The following MATN2 variants were observed in gnomAD, a reference collection of about 807,000 sequenced individuals.
MATN2 encodes the protein matrilin 2, also known as matrilin-2.
MATN2 carries 69 observed loss-of-function variants against 103.2 expected under a neutral mutation model. That is an observed-to-expected ratio of 0.67 (90% CI 0.55 to 0.82). The LOEUF (loss-of-function observed/expected upper bound fraction) is 0.82, where lower values mean the gene tolerates loss of function less well. Among genes scored for constraint, MATN2 ranks in the 40% least tolerant of loss-of-function variants. The pLI, the probability that MATN2 is intolerant of heterozygous loss-of-function variation, is 0.00. For missense variants in MATN2, 1,023 were observed against 1,211.5 expected, an observed-to-expected ratio of 0.84 and a Z score of 2.31; for synonymous variants, 429 against 450.2, an observed-to-expected ratio of 0.95 and a Z score of 0.60.
chr8:97,902,261 C>T (rs551855534), intron 2 of MATN2, among the ~76,000 whole-genome samples: 3 of 151,124 alleles, frequency 2.0e-5, no homozygotes, highest in Admixed American at 6.6e-5. Flanking sequence ...TTTGGGAGGC[C>T]GTGGTGGGCA....
Position 97,896,510 on chromosome 8 carries a change from G to A in MATN2, c.142+8268G>A, listed in dbSNP as rs546092634. 3.3e-5 allele frequency among the ~76,000 whole-genome samples: 5 copies of A among 152,326 alleles called. No homozygotes were observed. In the South Asian group the frequency reaches 1.0e-3, roughly 32 times the overall value. ...AACAGGGATGGGGCAGTGGGATCAG[G>A]TAACACAGCAGGGCTGGGCAGTGGG... On this transcript the variant is annotated intron_variant, in intron 2 of 18. Transcript: ENST00000254898.
chr8:98,016,108 C>T (rs1453614995), intron 10 of MATN2, among the ~76,000 whole-genome samples: 2 of 151,726 alleles, frequency 1.3e-5, no homozygotes, highest in African/African-American at 2.4e-5. Context: ...TTTTATGTGC[C>T]ATGTGTATAT....
At chr8:98,002,346 A>G (rs939978552) in intron 7 of MATN2, among the ~76,000 whole-genome samples, 4 of 152,228 alleles carry the variant, frequency 2.6e-5, no homozygotes, top group African/African-American at 9.6e-5. Context: ...CGTGGTCTCA[A>G]CAGAGCAAGG....
At chr8:97,869,551 G>A (rs1196584436) in intron 1 of MATN2, among the ~76,000 whole-genome samples, 1 of 152,178 alleles carries the variant, frequency 6.6e-6, no homozygotes, top group African/African-American at 2.4e-5. Flanking sequence ...CGCTGCAGCC[G>A]CCCCGGAGTG....
intron 2 of MATN2, among the ~76,000 whole-genome samples, chr8:97,918,949 T>A (rs1809722220): frequency 6.6e-6 from 1 of 152,180 alleles, no homozygotes; most frequent in Non-Finnish European, 1.5e-5. Context: ...TTTCTGAACC[T>A]AATTGAATGC....
intron 18 of MATN2, 64 bp downstream of exon 18, chr8:98,033,723 C>T (rs1168772129): frequency 6.6e-6 from 7 of 1,067,254 alleles, no homozygotes; most frequent in Admixed American, 2.1e-5. Flanking sequence ...ACTTCACACA[C>T]TCTATGTAGG....
chr8:98,026,914 T>C (rs550907721), intron 13 of MATN2, among the ~76,000 whole-genome samples: 11 of 152,236 alleles, frequency 7.2e-5, no homozygotes, highest in Admixed American at 7.2e-4. Flanking sequence ...TTGAATAAAT[T>C]AGTAGTGTTT....
At chr8:98,026,178 CAAAAAAAAA>C (rs71271184) in intron 13 of MATN2, among the ~76,000 whole-genome samples, 66 of 109,736 alleles carry the variant, frequency 6.0e-4, no homozygotes, top group African/African-American at 1.5e-3. Context: ...GACTCAATCT[CAAAAAAAAA>C]AAAAAAAAAA....
intron 7 of MATN2, among the ~76,000 whole-genome samples, chr8:97,997,710 G>A (rs1463258364): frequency 1.3e-5 from 2 of 152,012 alleles, no homozygotes; most frequent in Non-Finnish European, 2.9e-5. Flanking sequence ...GAATAAGTGA[G>A]TGAGTGAATA....
intron 3 of MATN2, 68 bp from the exon 4 acceptor site, chr8:97,941,709 C>T: frequency 1.3e-6 from 2 of 1,524,290 alleles, no homozygotes; most frequent in Non-Finnish European, 1.8e-6. Flanking sequence ...TGAATAAATG[C>T]TTGCTGGCTG....
At chr8:97,948,586 C>CCT (rs1810829906) in intron 4 of MATN2, among the ~76,000 whole-genome samples, 1 of 152,102 alleles carries the variant, frequency 6.6e-6, no homozygotes, top group Non-Finnish European at 1.5e-5. Context: ...GAAGGCAATC[C>CCT]AATGAGGAAA....
chr8:97,921,717 C>T (rs886077825), intron 2 of MATN2, among the ~76,000 whole-genome samples: 4 of 152,222 alleles, frequency 2.6e-5, no homozygotes, highest in African/African-American at 9.6e-5. Flanking sequence ...TGTGGACATG[C>T]CCCTGAGGGA....
chr8:98,021,359 ATTTTG>A, intron 13 of MATN2, 32 bp downstream of exon 13: 1 of 1,604,244 alleles, frequency 6.2e-7, no homozygotes, highest in Non-Finnish European at 8.5e-7. Flanking sequence ...CTCTGCTTTA[ATTTTG>A]TTTTGGAGCA....
intron 1 of MATN2, among the ~76,000 whole-genome samples, chr8:97,875,735 G>A (rs1364740405): frequency 9.0e-6 from 1 of 111,376 alleles, no homozygotes; most frequent in African/African-American, 3.6e-5. Context: ...TCACTCTGTC[G>A]CCCAGGCTGG....
At chr8:97,913,656 C>G (rs1045368590) in intron 2 of MATN2, among the ~76,000 whole-genome samples, 6 of 150,044 alleles carry the variant, frequency 4.0e-5, no homozygotes, top group Admixed American at 1.3e-4. Context: ...ACTGTGTCGC[C>G]CAGGCTGGAT....
chr8:97,927,653 GCTTTCTTGGAACCTCC>G (rs1432184411), intron 2 of MATN2, among the ~76,000 whole-genome samples: 6 of 152,212 alleles, frequency 3.9e-5, no homozygotes, highest in Admixed American at 2.6e-4. Flanking sequence ...CAGAATTACA[GCTTTCTTGGAACCTCC>G]AACAACATTT....
At chr8:97,934,447 A>G (rs1449426106) in intron 3 of MATN2, among the ~76,000 whole-genome samples, 2 of 152,236 alleles carry the variant, frequency 1.3e-5, no homozygotes, top group African/African-American at 4.8e-5. Flanking sequence ...TCAAATGATC[A>G]GACAAAAATG....
At chr8:97,917,897 C>A (rs572241205) in intron 2 of MATN2, among the ~76,000 whole-genome samples, 2 of 152,176 alleles carry the variant, frequency 1.3e-5, no homozygotes, top group Non-Finnish European at 2.9e-5. Flanking sequence ...CCAGCCTGGG[C>A]AACATGGCGA....
intron 1 of MATN2, among the ~76,000 whole-genome samples, chr8:97,875,417 AT>A: frequency 6.6e-6 from 1 of 152,198 alleles, no homozygotes; most frequent in South Asian, 2.1e-4. Context: ...TGTTAAGTTA[AT>A]TTTTTTCTTT....
Sources: allele counts gnomAD v4.1 joint callset (sites outside exome capture counted in the v4.1 genomes callset), GRCh38; gene constraint gnomAD v4.1.1; transcripts MANE v1.5; gene names NCBI Gene and HGNC (gene_info 2026-07-23, HGNC 2026-07-21).